The following SPTB variants were observed in gnomAD, a reference collection of about 807,000 sequenced individuals.
SPTB encodes spectrin beta chain, erythrocytic.
A neutral mutation model predicts 256.2 loss-of-function variants in SPTB; 45 were observed. The ratio of observed to expected loss-of-function variants is 0.18; its 90% CI spans 0.14 to 0.23. SPTB has a LOEUF of 0.23. SPTB is among the 10% of genes least tolerant of loss of function. The pLI is 1.00. For synonymous variants in SPTB, 1,231 were observed against 1,243.1 expected (o/e 0.99, Z 0.21); for missense variants, 2,715 against 3,040.4 (o/e 0.89, Z 2.52).
At chr14:64,782,100 A>G (rs1935748874) in intron 20 of SPTB, among the ~76,000 whole-genome samples, 190 bp downstream of exon 20, 1 of 152,186 alleles carries the variant, frequency 6.6e-6, no homozygotes, top group African/African-American at 2.4e-5. Context: ...CAGAAAAGAT[A>G]ACTATTGGGT....
intron 24 of SPTB, among the ~76,000 whole-genome samples, chr14:64,774,072 A>G (rs1329648776): frequency 6.6e-6 from 1 of 152,220 alleles, no homozygotes; most frequent in Non-Finnish European, 1.5e-5. Context: ...TAAAAATAAA[A>G]GCTAAAGTAG....
rs2082289213 is a variant in SPTB at position 64,772,330 on chromosome 14, C to A, written c.5553+250G>T. On this transcript the variant is annotated intron_variant, in intron 26 of 35. Transcript: ENST00000644917. The surrounding 1 kb of genome is among the most constrained non-coding windows in gnomAD (Gnocchi z 5.4). ...GCGTGTGTCCACTAATAGTACTGCA[C>A]AACTGGAGAAACTGCAACCGTATAG... is the stretch of plus-strand genomic sequence containing the variant. Among the ~76,000 whole-genome samples, 1 of 152,210 alleles carries A rather than the reference C, an allele frequency of 6.6e-6. No homozygotes were observed. Among genetic ancestry groups the A allele is most frequent in the Non-Finnish European group, 1.5e-5 (1 of 68,024 alleles).
At chr14:64,754,685 G>A (rs2139435111) in intron 32 of SPTB, 1 of 152,440 alleles carries the variant, frequency 6.6e-6, no homozygotes, top group South Asian at 2.1e-4. Context: ...CCTGGCCCCT[G>A]CCCAAGTCAA....
chr14:64,795,746 C>T lies in SPTB; in HGVS notation c.1342-107G>A, dbSNP rs904636118. ...TCAGAACCAGTGCTAGATGGGAAAGCACATTCCCAAGAAGCAGCTAGTTCT... is the reference window on the plus strand; with the variant it reads ...TCAGAACCAGTGCTAGATGGGAAAGTACATTCCCAAGAAGCAGCTAGTTCT... On this transcript the variant is annotated intron_variant, in intron 11 of 35. Coordinates refer to ENST00000644917, the MANE Select transcript of SPTB (RefSeq NM_001355436.2). The surrounding 1 kb of genome is among the most constrained non-coding windows in gnomAD (Gnocchi z 6.5). 1.0e-5 allele frequency: 12 copies of T among 1,182,920 alleles called. No homozygotes were observed. The highest frequency in any genetic ancestry group is 1.5e-5 in the Non-Finnish European group (12 of 811,264). The allele number at this position is 1,182,920 out of a possible 1,614,324, so 73.3% of individuals were successfully genotyped here. A position where few individuals can be genotyped will look rare whatever the true frequency, so the allele number is the denominator to read the frequency against.
At chr14:64,811,166 G>C (rs998130426) in intron 2 of SPTB, among the ~76,000 whole-genome samples, 1 of 151,874 alleles carries the variant, frequency 6.6e-6, no homozygotes, top group South Asian at 2.1e-4. Flanking sequence ...AAACAAATGA[G>C]CAAAAATATA....
rs1345811231 is a variant in SPTB, at chr14:64,826,009, AG to A, written c.-51-2865del. Among the ~76,000 whole-genome samples the A allele has an allele frequency of 6.6e-6, 1 of 152,214 alleles. No individual in the cohort carries two copies. The highest frequency in any genetic ancestry group is 1.5e-5 in the Non-Finnish European group (1 of 68,028). On this transcript the variant is annotated intron_variant, in intron 1 of 35. Transcript: ENST00000644917. This position sits in a 1 kb window ranked among gnomAD's most constrained non-coding sequence, Gnocchi z 4.4. Reference sequence around the variant, plus strand: ...TTTTGTTTTTGTTTTGGAAAGAGTCAGGTCCCTGAAAACAAACACCAAGGAA... The same window carrying A: ...TTTTGTTTTTGTTTTGGAAAGAGTCAGTCCCTGAAAACAAACACCAAGGAA...
At chr14:64,771,553 T>C (rs2082277998) in intron 26 of SPTB, among the ~76,000 whole-genome samples, 1 of 152,152 alleles carries the variant, frequency 6.6e-6, no homozygotes, top group African/African-American at 2.4e-5. Context: ...TCCAGGGTCC[T>C]TCACACTAGT....
At chr14:64,821,687 G>A (rs960168401) in intron 2 of SPTB, among the ~76,000 whole-genome samples, 1 of 152,208 alleles carries the variant, frequency 6.6e-6, no homozygotes, top group Admixed American at 6.5e-5. Flanking sequence ...ATTTTGTGGG[G>A]TCAAGGAGGG....
chr14:64,799,634 C>A, intron 9 of SPTB, 113 bp downstream of exon 9: 1 of 1,264,754 alleles, frequency 7.9e-7, no homozygotes, highest in African/African-American at 1.5e-5. Flanking sequence ...GCTCTCTAAT[C>A]TTGAGGGTGT....
intron 1 of SPTB, among the ~76,000 whole-genome samples, chr14:64,850,693 A>G (rs926828438): frequency 6.6e-6 from 1 of 152,206 alleles, no homozygotes; most frequent in African/African-American, 2.4e-5. Flanking sequence ...GTTACTTGTC[A>G]TCGTGAAAAT....
At position 64,749,675 on chromosome 14, in the gene SPTB, C is replaced by T; in HGVS notation, c.6798G>A (p.Trp2266Ter). ...TTACCTCATCCTTGCCATGGAAGAG[C>T]CACTCGCTGCCATTACTCAGCCTAG... Reference protein sequence around the residue: ...FKLRLSNGSEWLFHGKDEEEM... With the variant: ...FKLRLSNGSE Residue 2266 changes from tryptophan (W) to a stop codon, truncating the protein, a stop_gained, in exon 35 of 36, where the codon TGG (tryptophan) becomes TGA (stop). Coordinates refer to ENST00000644917, the MANE Select transcript of SPTB (RefSeq NM_001355436.2). LOFTEE classifies it high-confidence loss of function. The surrounding 1 kb of genome is among the most constrained non-coding windows in gnomAD (Gnocchi z 4.7). The T allele has an allele frequency of 6.2e-7, 1 of 1,613,798 alleles. No individual in the cohort carries two copies. Among genetic ancestry groups the T allele is most frequent in the South Asian group, 1.1e-5 (1 of 91,080 alleles).
rs1261961212 is a variant in SPTB, at chr14:64,825,077, A to AGC, written c.-51-1934_-51-1933dup. ...GGAGGGCAGGTGGGGAAAGGACTGG[A>AGC]GCACAGTTTATCCCCCTTGATCGGA... On this transcript the variant is annotated intron_variant, in intron 1 of 35. Transcript: ENST00000644917. This position sits in a 1 kb window ranked among gnomAD's most constrained non-coding sequence, Gnocchi z 4.8. Among the ~76,000 whole-genome samples, 2 of 151,080 alleles carry AGC rather than the reference A, an allele frequency of 1.3e-5. No individual in the cohort carries two copies. Among genetic ancestry groups the AGC allele is most frequent in the African/African-American group, 4.9e-5 (2 of 41,016 alleles).
Position 64,794,538 on chromosome 14 carries a change from G to T in SPTB, c.1724C>A (p.Ala575Asp), listed in dbSNP as rs1455343299. Residue 575 changes from alanine to aspartate, a missense_variant, in exon 13 of 36, where the codon GCT (alanine) becomes GAT (aspartate). This residue lies in a region of SPTB where 2,239 missense variants were observed against 2,384.4 expected (regional missense o/e 0.94). Transcript: ENST00000644917. The stretch of plus-strand genomic sequence containing the variant: ...TTTGTCCCCTTGGATGGCGATGTCA[G>T]CTTCCATCAACTTGTGCTTCTGTAG... ...DLLQKHKLME[A>D]DIAIQGDKVK... 1.9e-6 allele frequency: 3 copies of T among 1,614,070 alleles called. No individual in the cohort carries two copies. Among genetic ancestry groups the T allele is most frequent in the African/African-American group, 2.7e-5 (2 of 74,932 alleles).
intron 22 of SPTB, among the ~76,000 whole-genome samples, chr14:64,776,974 T>TA (rs751461835): frequency 2.6e-5 from 4 of 151,974 alleles, no homozygotes; most frequent in Non-Finnish European, 4.4e-5. Flanking sequence ...AACATGCAAA[T>TA]AAATGAATAA....
chr14:64,864,673 G>T (rs530991565), intron 1 of SPTB, among the ~76,000 whole-genome samples: 321 of 152,288 alleles, frequency 2.1e-3, no homozygotes, highest in African/African-American at 7.4e-3. Flanking sequence ...ACAAGAAATT[G>T]TTAATAGTTG....
At chr14:64,819,553 C>T (rs764793043) in intron 2 of SPTB, among the ~76,000 whole-genome samples, 1 of 151,660 alleles carries the variant, frequency 6.6e-6, no homozygotes, top group Non-Finnish European at 1.5e-5. Flanking sequence ...GAGAGAGAGA[C>T]CTGCATGGCA....
chr14:64,775,709 T>C lies in SPTB; in HGVS notation c.4564-306A>G, dbSNP rs558931131. Among the ~76,000 whole-genome samples the C allele has an allele frequency of 6.6e-6, 1 of 152,366 alleles. No homozygotes were observed. The highest frequency in any genetic ancestry group is 2.1e-4 in the South Asian group (1 of 4,834). ...CCACCTGACCTGGCAGCCTGTGCTC[T>C]TGACTGTCCCCTATCTTCCTGTGCT... On this transcript the variant is annotated intron_variant, in intron 22 of 35. Transcript: ENST00000644917. The surrounding 1 kb of genome is among the most constrained non-coding windows in gnomAD (Gnocchi z 5.0).
At chr14:64,854,567 C>T (rs1164804023) in intron 1 of SPTB, among the ~76,000 whole-genome samples, 7 of 152,024 alleles carry the variant, frequency 4.6e-5, no homozygotes, top group African/African-American at 9.7e-5. Context: ...TGTGAGCCAC[C>T]GCGCCCGGCC....
rs1289807288 is a variant in SPTB at position 64,748,439 on chromosome 14, G to C, written c.*867C>G. ...ATTGAGAGGGAGAGCCTTAGGCAGT[G>C]TTGTGACGCACCTGTCACTCCTTCA... On this transcript the variant is annotated 3_prime_UTR_variant, in exon 36 of 36. Transcript: ENST00000644917. 2.0e-5 allele frequency: 3 copies of C among 152,288 alleles called. No homozygotes were observed. The highest frequency in any genetic ancestry group is 2.9e-5 in the Non-Finnish European group (2 of 68,126). 9.4% of individuals were successfully genotyped at this position (152,288 alleles called of 1,614,324 possible).
Sources: allele counts gnomAD v4.1 joint callset (sites outside exome capture counted in the v4.1 genomes callset), GRCh38; gene constraint gnomAD v4.1.1; regional missense constraint gnomAD v4.1.1; non-coding constraint Gnocchi (gnomAD v3.1); transcripts MANE v1.5; gene names NCBI Gene and HGNC (gene_info 2026-07-23, HGNC 2026-07-21).